TENM4: variants seen among roughly 807,000 people sequenced by gnomAD.
TENM4 encodes the protein teneurin-4.
In TENM4, 82 loss-of-function variants were observed where a neutral mutation model predicts 243.3. The ratio of observed to expected loss-of-function variants is 0.34; its 90% confidence interval spans 0.28 to 0.40. The LOEUF is 0.40. Among genes scored for constraint, TENM4 ranks in the 10% least tolerant of loss-of-function variants. The pLI, the probability that TENM4 is intolerant of heterozygous loss-of-function variation, is 1.00. For synonymous variants in TENM4, 1,412 were observed against 1,456.3 expected (o/e 0.97, Z 0.69); for missense variants, 3,138 against 3,673.3 (o/e 0.85, Z 3.77).
chr11:79,158,668 C>T (rs955544547), intron 3 of TENM4, among the ~76,000 whole-genome samples: 1 of 152,204 alleles, frequency 6.6e-6, no homozygotes, highest in South Asian at 2.1e-4. Context: ...TCTACACACA[C>T]TGTCACATTT....
chr11:79,231,382 T>A (rs887684845), intron 2 of TENM4, among the ~76,000 whole-genome samples: 14 of 150,026 alleles, frequency 9.3e-5, no homozygotes, highest in African/African-American at 3.5e-4. Context: ...CCTAAATTAG[T>A]AATTTTTTTT....
intron 23 of TENM4, among the ~76,000 whole-genome samples, chr11:78,725,005 G>A (rs137888376): frequency 2.9e-3 from 441 of 152,338 alleles, no homozygotes; most frequent in Middle Eastern, 0.01. Flanking sequence ...AGTGAGAAGT[G>A]AGGTGAGTGA....
chr11:78,847,003 T>A (rs975784954), intron 12 of TENM4, among the ~76,000 whole-genome samples: 1 of 152,218 alleles, frequency 6.6e-6, no homozygotes, highest in Admixed American at 6.5e-5. Flanking sequence ...GTAAGCTGAA[T>A]GTTTTAGGAA....
chr11:79,320,007 C>G (rs559601037), intron 1 of TENM4, among the ~76,000 whole-genome samples: 65 of 152,322 alleles, frequency 4.3e-4, no homozygotes, highest in Non-Finnish European at 7.6e-4. Context: ...GTGTTTCTCA[C>G]CTACCTTCTA....
chr11:78,761,621 T>C (rs554640096), intron 18 of TENM4, among the ~76,000 whole-genome samples: 3 of 152,248 alleles, frequency 2.0e-5, no homozygotes, highest in African/African-American at 4.8e-5. Flanking sequence ...ATTTCTTAGG[T>C]TGGGGTTCTA....
At chr11:79,024,247 G>T (rs538176627) in intron 6 of TENM4, among the ~76,000 whole-genome samples, 1 of 152,278 alleles carries the variant, frequency 6.6e-6, no homozygotes, top group African/African-American at 2.4e-5. Context: ...CTGTGCCTCA[G>T]GATCTTTACC....
At chr11:79,052,767 C>T (rs956943363) in intron 6 of TENM4, among the ~76,000 whole-genome samples, 7 of 152,316 alleles carry the variant, frequency 4.6e-5, no homozygotes, top group Non-Finnish European at 7.3e-5. Context: ...TGTGGCCAGT[C>T]GGTCCATTGA....
chr11:79,111,243 G>A (rs1420241484), intron 4 of TENM4, among the ~76,000 whole-genome samples: 1 of 152,146 alleles, frequency 6.6e-6, no homozygotes, highest in Non-Finnish European at 1.5e-5. Context: ...AAAACTGTGA[G>A]TCCATCAAAC....
chr11:79,374,874 G>GT lies in TENM4; in HGVS notation c.-321+65634dup, dbSNP rs1857861730. On this transcript the variant is annotated intron_variant, in intron 1 of 33. Transcript: ENST00000278550. ...TGCGGTTGCAAGCCGGGGGTAATTA[G>GT]TAAACACACACGCACTTCATGGGAG... Among the ~76,000 whole-genome samples, 3 of 152,196 alleles carry GT rather than the reference G, an allele frequency of 2.0e-5. No homozygotes were observed. The South Asian group carries it at 6.2e-4, about 32-fold the overall frequency.
chr11:78,712,342 A>C, intron 26 of TENM4, 140 bp downstream of exon 26: 1 of 698,380 alleles, frequency 1.4e-6, no homozygotes. Context: ...TGGCAGGTGG[A>C]ATTATCACAG....
chr11:79,016,835 C>G (rs1321484987), intron 6 of TENM4, among the ~76,000 whole-genome samples: 1 of 152,196 alleles, frequency 6.6e-6, no homozygotes, highest in African/African-American at 2.4e-5. Context: ...GGAGGTGAGA[C>G]TGTGGTCTTG....
rs536946108 is a variant in TENM4, at chr11:78,894,238, C to T, written c.750-2902G>A. Among the ~76,000 whole-genome samples, 49 of 152,196 alleles carry T rather than the reference C, an allele frequency of 3.2e-4. 2 individuals are homozygous for T. The South Asian group carries it at 1.0e-2, about 31-fold the overall frequency. Reference sequence around the variant, plus strand: ...AGGTCCAAGGAAGAACTCCTGCTGCCCCCCGGGACCTGAGGCTGGCTGCAT... The same window carrying T: ...AGGTCCAAGGAAGAACTCCTGCTGCTCCCCGGGACCTGAGGCTGGCTGCAT... On this transcript the variant is annotated intron_variant, in intron 7 of 33. Transcript: ENST00000278550.
chr11:78,942,444 C>CAA (rs200858107), intron 6 of TENM4, among the ~76,000 whole-genome samples: 7 of 124,842 alleles, frequency 5.6e-5, no homozygotes, highest in African/African-American at 1.8e-4. Flanking sequence ...GACCCTGTCT[C>CAA]AAAAAAAAAA....
intron 9 of TENM4, among the ~76,000 whole-genome samples, chr11:78,887,249 G>A (rs1485556601): frequency 6.6e-6 from 1 of 152,174 alleles, no homozygotes; most frequent in Non-Finnish European, 1.5e-5. Flanking sequence ...GTCTTTGTAA[G>A]CTCCCTTGCT....
intron 1 of TENM4, among the ~76,000 whole-genome samples, chr11:79,388,739 T>C (rs1423961128): frequency 2.6e-5 from 4 of 152,198 alleles, no homozygotes; most frequent in African/African-American, 9.7e-5. Context: ...CTCACAGTCA[T>C]GGAGGGTTCC....
intron 9 of TENM4, among the ~76,000 whole-genome samples, chr11:78,884,185 G>A (rs1855497041): frequency 6.6e-6 from 1 of 152,144 alleles, no homozygotes; most frequent in Non-Finnish European, 1.5e-5. Flanking sequence ...GCAGAGAGAG[G>A]TTGTGTAAAC....
At chr11:78,740,988 C>T (rs1335079989) in intron 19 of TENM4, among the ~76,000 whole-genome samples, 2 of 152,220 alleles carry the variant, frequency 1.3e-5, no homozygotes, top group African/African-American at 2.4e-5. Flanking sequence ...CCCTGGACGC[C>T]GATAGGCCAT....
intron 4 of TENM4, among the ~76,000 whole-genome samples, chr11:79,132,730 C>A (rs1345725778): frequency 6.6e-6 from 1 of 152,078 alleles, no homozygotes; most frequent in Admixed American, 6.5e-5. Context: ...AATTAAATAA[C>A]CTGCCTCTGA....
At chr11:78,793,239 T>G (rs1242070252) in intron 15 of TENM4, among the ~76,000 whole-genome samples, 2 of 152,184 alleles carry the variant, frequency 1.3e-5, no homozygotes, top group African/African-American at 4.8e-5. Flanking sequence ...CTTGGAAAGA[T>G]GCTCAAAACT....
Sources: gnomAD v4.1 joint callset for allele counts (sites outside exome capture counted in the v4.1 genomes callset) on GRCh38, gnomAD v4.1.1 for gene constraint, MANE v1.5 for transcripts, NCBI Gene and HGNC (gene_info 2026-07-23, HGNC 2026-07-21) for gene names.